The following GPC3 variants were observed in gnomAD, a reference collection of about 807,000 sequenced individuals.
The protein encoded by GPC3 is glypican-3.
A neutral mutation model predicts 34.4 loss-of-function variants in GPC3; 3 were observed. The ratio of observed to expected loss-of-function variants is 0.09; its 90% confidence interval spans 0.04 to 0.23. GPC3 has a LOEUF of 0.23. Among genes scored for constraint, GPC3 ranks in the 10% least tolerant of loss-of-function variants. The probability of loss-of-function intolerance (pLI) is 1.00; values close to 1 mark genes in which losing one functional copy is unlikely to be tolerated. For synonymous variants in GPC3, 177 were observed against 174.0 expected, an observed-to-expected ratio of 1.02 and a Z score of -0.13; for missense variants, 351 against 445.6, an observed-to-expected ratio of 0.79 and a Z score of 1.91.
At chrX:133,606,726 C>T (rs901576486) in intron 6 of GPC3, among the ~76,000 whole-genome samples, 1 of 111,538 alleles carries the variant, frequency 9.0e-6, no homozygotes, top group Admixed American at 9.5e-5. Context: ...GCCCAGCCAA[C>T]AAGTTATTCT....
chrX:133,981,848 A>C (rs937976071), intron 1 of GPC3, among the ~76,000 whole-genome samples: 5 of 112,400 alleles, frequency 4.4e-5, no homozygotes, highest in African/African-American at 1.6e-4. Context: ...TTGGCTGTTC[A>C]AGACTGCCTT....
chrX:133,846,515 T>C (rs1356343109), intron 2 of GPC3, among the ~76,000 whole-genome samples: 1 of 111,474 alleles, frequency 9.0e-6, no homozygotes, highest in Admixed American at 9.6e-5. Context: ...TCCATATTTC[T>C]CTCCAAAGAC....
chrX:133,539,334 C>T (rs959393105), intron 7 of GPC3, among the ~76,000 whole-genome samples: 14 of 111,258 alleles, frequency 1.3e-4, no homozygotes, highest in African/African-American at 4.2e-4. Context: ...TTCTATATAC[C>T]AAATAAACTA....
chrX:133,789,646 T>G (rs1458116131), intron 2 of GPC3, among the ~76,000 whole-genome samples: 1 of 112,196 alleles, frequency 8.9e-6, no homozygotes, highest in African/African-American at 3.2e-5. Flanking sequence ...TACATTTTGC[T>G]GCCCCACCAT....
At chrX:133,675,300 T>C (rs931576184) in intron 5 of GPC3, among the ~76,000 whole-genome samples, 2 of 111,735 alleles carry the variant, frequency 1.8e-5, no homozygotes, top group Non-Finnish European at 3.8e-5. Context: ...CCTACCCAGA[T>C]CCTGAGCCAG....
chrX:133,641,251 G>A lies in GPC3; in HGVS notation c.1413+20479C>T, dbSNP rs547868515. Among the ~76,000 whole-genome samples the A allele has an allele frequency of 1.9e-4, 21 of 110,756 alleles. No homozygotes were observed. The South Asian group carries it at 5.8e-3, about 31-fold the overall frequency. ...AGCACTTTGGGAGGCCGAGGCAGGC[G>A]CATCACTTGAGTTCAGGAGTTTGAG... is the stretch of plus-strand genomic sequence containing the variant. On this transcript the variant is annotated intron_variant, in intron 6 of 7. Transcript: ENST00000370818.
At chrX:133,786,045 T>C (rs2072097620) in intron 2 of GPC3, among the ~76,000 whole-genome samples, 1 of 111,689 alleles carries the variant, frequency 9.0e-6, no homozygotes, top group Non-Finnish European at 1.9e-5. Flanking sequence ...AAGATAAACG[T>C]CTCTCATCAA....
intron 1 of GPC3, among the ~76,000 whole-genome samples, chrX:133,974,289 G>C (rs919410234): frequency 1.8e-5 from 2 of 111,954 alleles, no homozygotes; most frequent in African/African-American, 6.5e-5. Flanking sequence ...GGCTCAATCA[G>C]TCCTCCCACC....
At chrX:133,945,784 A>T (rs912020152) in intron 2 of GPC3, among the ~76,000 whole-genome samples, 2 of 111,191 alleles carry the variant, frequency 1.8e-5, no homozygotes, top group African/African-American at 6.5e-5. Flanking sequence ...AAAGAAAAGA[A>T]AAGTTATTTT....
At chrX:133,728,330 TGAA>T (rs921345867) in intron 3 of GPC3, among the ~76,000 whole-genome samples, 3 of 74,820 alleles carry the variant, frequency 4.0e-5, no homozygotes, top group Non-Finnish European at 7.5e-5. Context: ...GCATTTTTCT[TGAA>T]GAAGAATGAG....
chrX:133,606,551 A>G (rs2070053419), intron 6 of GPC3, among the ~76,000 whole-genome samples: 1 of 111,835 alleles, frequency 8.9e-6, no homozygotes, highest in Admixed American at 9.5e-5. Flanking sequence ...CCTTCTGAGT[A>G]GCTAGGACTA....
intron 5 of GPC3, among the ~76,000 whole-genome samples, chrX:133,682,842 C>G (rs1489846847): frequency 5.5e-5 from 6 of 109,591 alleles, no homozygotes; most frequent in Non-Finnish European, 1.1e-4. Flanking sequence ...TGGCACGTGC[C>G]TATAATCCCA....
At chrX:133,904,006 C>A (rs1254285369) in intron 2 of GPC3, among the ~76,000 whole-genome samples, 2 of 111,995 alleles carry the variant, frequency 1.8e-5, no homozygotes. Flanking sequence ...AGTTGCTGAG[C>A]CCTGAGCAAC....
chrX:133,881,083 T>A (rs1173876508), intron 2 of GPC3, among the ~76,000 whole-genome samples: 1 of 112,421 alleles, frequency 8.9e-6, no homozygotes. Context: ...AATCATTTGG[T>A]CATGCTGCAA....
At chrX:133,685,448 C>T (rs2070990325) in intron 5 of GPC3, among the ~76,000 whole-genome samples, 1 of 111,721 alleles carries the variant, frequency 9.0e-6, no homozygotes, top group African/African-American at 3.3e-5. Context: ...AACATAATTG[C>T]TTTGCATATT....
At chrX:133,715,809 C>T (rs2071307849) in intron 3 of GPC3, among the ~76,000 whole-genome samples, 1 of 110,772 alleles carries the variant, frequency 9.0e-6, no homozygotes, top group South Asian at 3.9e-4. Flanking sequence ...TAGTGGGTTA[C>T]ACTCAAGCAT....
chrX:133,941,716 T>C (rs1289710161), intron 2 of GPC3, among the ~76,000 whole-genome samples: 1 of 111,930 alleles, frequency 8.9e-6, no homozygotes, highest in East Asian at 2.8e-4. Context: ...GGAAACCAAA[T>C]TAAGATATTG....
rs752621019 is a variant in GPC3 at position 133,803,022 on chromosome X, G to A, written c.338-48846C>T. ...TGCAACCTCCTCCTCCCAGGTCCTG[G>A]TTCAAGCAGTTCTCCTGCCTCAGCC... On this transcript the variant is annotated intron_variant, in intron 2 of 7. Transcript: ENST00000370818. Among the ~76,000 whole-genome samples the A allele has an allele frequency of 2.8e-5, 3 of 107,076 alleles. No individual in the cohort carries two copies. In the East Asian group the frequency reaches 8.8e-4, roughly 32 times the overall value. 93.0% of individuals were successfully genotyped at this position (107,076 alleles called of 115,157 possible). A position where few individuals can be genotyped will look rare whatever the true frequency, so the allele number is the denominator to read the frequency against.
intron 7 of GPC3, among the ~76,000 whole-genome samples, chrX:133,548,941 T>C (rs2069409237): frequency 9.0e-6 from 1 of 111,633 alleles, no homozygotes; most frequent in African/African-American, 3.3e-5. Flanking sequence ...GAACTGTAAG[T>C]CCATTAAGTC....
Sources: allele counts gnomAD v4.1 joint callset (sites outside exome capture counted in the v4.1 genomes callset), GRCh38; gene constraint gnomAD v4.1.1; transcripts MANE v1.5; gene names NCBI Gene and HGNC (gene_info 2026-07-23, HGNC 2026-07-21).